RPS6KA5: variants seen among roughly 807,000 people sequenced by gnomAD.
RPS6KA5 encodes ribosomal protein S6 kinase alpha-5.
In RPS6KA5, 27 loss-of-function variants were observed where a neutral mutation model predicts 85.5. The ratio of observed to expected loss-of-function variants is 0.32; its 90% CI spans 0.23 to 0.44. The LOEUF is 0.44. RPS6KA5 is among the 20% of genes least tolerant of loss of function. The pLI is 1.00. For missense variants in RPS6KA5, 811 were observed against 980.9 expected (o/e 0.83, Z 2.31); for synonymous variants, 334 against 348.2 (o/e 0.96, Z 0.46).
At chr14:90,979,138 C>A (rs1490280644) in intron 2 of RPS6KA5, among the ~76,000 whole-genome samples, 3 of 152,222 alleles carry the variant, frequency 2.0e-5, no homozygotes, top group Non-Finnish European at 4.4e-5. Flanking sequence ...GTCAACCTTG[C>A]CACACTTTTC....
At chr14:90,994,354 A>G (rs1312263468) in intron 2 of RPS6KA5, among the ~76,000 whole-genome samples, 1 of 151,842 alleles carries the variant, frequency 6.6e-6, no homozygotes, top group African/African-American at 2.4e-5. Context: ...TCACTCCTAG[A>G]AGGACTACTG....
chr14:90,991,748 T>C (rs1423072763), intron 2 of RPS6KA5, among the ~76,000 whole-genome samples: 4 of 135,980 alleles, frequency 2.9e-5, no homozygotes, highest in African/African-American at 8.3e-5. Flanking sequence ...TCAAAATAGA[T>C]AGAGAAGAAT....
intron 1 of RPS6KA5, among the ~76,000 whole-genome samples, chr14:91,026,677 C>G (rs917823484): frequency 2.0e-5 from 3 of 152,192 alleles, no homozygotes; most frequent in Admixed American, 2.0e-4. Context: ...AATGGGATTG[C>G]TAGATCAAAT....
At chr14:90,907,528 C>T (rs1595180898) in intron 7 of RPS6KA5, among the ~76,000 whole-genome samples, 1 of 152,178 alleles carries the variant, frequency 6.6e-6, no homozygotes, top group African/African-American at 2.4e-5. Context: ...CATTCCAAGG[C>T]AACCATATAG....
At chr14:91,032,678 T>C (rs116854477) in intron 1 of RPS6KA5, among the ~76,000 whole-genome samples, 23 of 151,832 alleles carry the variant, frequency 1.5e-4, no homozygotes, top group African/African-American at 5.3e-4. Flanking sequence ...CAGGAATATA[T>C]AGTCCACATC....
chr14:91,018,016 C>T (rs1334037264), intron 1 of RPS6KA5, among the ~76,000 whole-genome samples: 2 of 152,152 alleles, frequency 1.3e-5, no homozygotes, highest in Non-Finnish European at 2.9e-5. Flanking sequence ...TTGGTATTAC[C>T]ATGCCTTGTG....
At chr14:90,998,716 T>C (rs1349779354) in intron 2 of RPS6KA5, among the ~76,000 whole-genome samples, 1 of 152,242 alleles carries the variant, frequency 6.6e-6, no homozygotes, top group Non-Finnish European at 1.5e-5. Flanking sequence ...AAATGTACAA[T>C]AACATCTCCA....
chr14:90,938,276 C>T (rs2037383835), intron 5 of RPS6KA5, among the ~76,000 whole-genome samples: 1 of 152,212 alleles, frequency 6.6e-6, no homozygotes, highest in Admixed American at 6.5e-5. Context: ...GCTCCCATAG[C>T]CTTGGGCAGC....
At chr14:90,961,947 CATTCATGGTTCTTGCCAGAGATTAG>C (rs1057473325) in intron 3 of RPS6KA5, among the ~76,000 whole-genome samples, 4 of 152,206 alleles carry the variant, frequency 2.6e-5, no homozygotes, top group African/African-American at 9.7e-5. Context: ...AGAAGAGCTA[CATTCATGGTTCTTGCCAGAGATTAG>C]AACCTCAAAG....
intron 3 of RPS6KA5, among the ~76,000 whole-genome samples, chr14:90,961,029 G>A (rs1480962069): frequency 6.6e-6 from 1 of 152,166 alleles, no homozygotes; most frequent in Non-Finnish European, 1.5e-5. Context: ...GTGGGAAAGG[G>A]CTCCCGACAG....
At chr14:91,051,251 TAAATAAATAAATA>T (rs1194953767) in intron 1 of RPS6KA5, among the ~76,000 whole-genome samples, 1 of 11,974 alleles carries the variant, frequency 8.4e-5, no homozygotes, top group Non-Finnish European at 2.3e-4. Context: ...TAAAAATAAA[TAAATAAATAAATA>T]AATAAATAAA....
Position 90,983,120 on chromosome 14 carries a change from A to G in RPS6KA5, c.176-4596T>C, listed in dbSNP as rs1446111004. On this transcript the variant is annotated intron_variant, in intron 2 of 16. Transcript: ENST00000614987. The stretch of plus-strand genomic sequence containing the variant: ...AGAGCGAGATTCCATCTCAAAAAAA[A>G]AAAAAAATTAGCTGGGCGTGGTGGC... 8.6e-5 allele frequency among the ~76,000 whole-genome samples: 13 copies of G among 151,572 alleles called. 1 individual carries two copies. The South Asian group carries it at 2.5e-3, about 29-fold the overall frequency.
chr14:90,901,095 G>GT (rs1365638047), intron 9 of RPS6KA5, among the ~76,000 whole-genome samples: 1 of 152,124 alleles, frequency 6.6e-6, no homozygotes, highest in Admixed American at 6.6e-5. Flanking sequence ...TACAGTCAAG[G>GT]TATTAAACAA....
At chr14:91,014,814 A>G (rs2041414802) in intron 1 of RPS6KA5, among the ~76,000 whole-genome samples, 1 of 152,136 alleles carries the variant, frequency 6.6e-6, no homozygotes, top group Non-Finnish European at 1.5e-5. Flanking sequence ...TATTTGCTTT[A>G]ATAATGTGAT....
In RPS6KA5 at chr14:91,060,410, C is replaced by A. The variant is rs375911233; in HGVS notation, c.25G>T (p.Gly9Cys). The A allele has an allele frequency of 3.1e-5, 46 of 1,508,072 alleles. No individual in the cohort carries two copies. The highest frequency in any genetic ancestry group is 4.0e-5 in the Non-Finnish European group (45 of 1,121,990). 93.4% of individuals were successfully genotyped at this position (1,508,072 alleles called of 1,614,324 possible). MEEEGGSSGGAAGTSADGG... is the reference protein window; with the variant it reads MEEEGGSSCGAAGTSADGG... Reference sequence around the variant, plus strand: ...TCCGCGCTGGTCCCCGCGGCGCCGCCGCTGCTGCCACCCTCCTCCTCCATC... The same window carrying A: ...TCCGCGCTGGTCCCCGCGGCGCCGCAGCTGCTGCCACCCTCCTCCTCCATC... The change falls in exon 1 of 17, where the codon GGC becomes TGC. Residue 9 changes from glycine (G) to cysteine (C), a missense_variant. Around this residue, in one of 3 missense-constraint regions of RPS6KA5, gnomAD observed 113 missense variants for 100.0 expected, o/e 1.13. Coordinates refer to ENST00000614987, the MANE Select transcript of RPS6KA5 (RefSeq NM_004755.4).
intron 1 of RPS6KA5, among the ~76,000 whole-genome samples, chr14:91,038,283 T>C (rs1290816245): frequency 1.3e-5 from 2 of 152,156 alleles, no homozygotes; most frequent in African/African-American, 4.8e-5. Flanking sequence ...GTATGAGAGG[T>C]AGGACCACTA....
intron 14 of RPS6KA5, among the ~76,000 whole-genome samples, chr14:90,880,362 T>C (rs2033756064): frequency 6.6e-6 from 1 of 152,236 alleles, no homozygotes; most frequent in Non-Finnish European, 1.5e-5. Context: ...GTATCTTTTC[T>C]GAACATACAC....
intron 5 of RPS6KA5, among the ~76,000 whole-genome samples, chr14:90,941,639 A>G (rs1243423562): frequency 6.6e-6 from 1 of 152,168 alleles, no homozygotes; most frequent in Non-Finnish European, 1.5e-5. Context: ...ACAGACTTTC[A>G]ATCAATCCTC....
rs2032661061 is a variant in RPS6KA5 at position 90,863,329 on chromosome 14, A to AAG, written c.*8743_*8744dup. On this transcript the variant is annotated 3_prime_UTR_variant, in exon 17 of 17. Transcript: ENST00000614987. Reference sequence around the variant, plus strand: ...AAAAAAAAAAAAAAAAAAAAAAAAAAAGAAAAGAAAAGAAAAAAATATATA... The same window carrying AAG: ...AAAAAAAAAAAAAAAAAAAAAAAAAAAGAGAAAAGAAAAGAAAAAAATATATA... The AAG allele has an allele frequency of 1.4e-5, 2 of 145,178 alleles. No individual in the cohort carries two copies. Among genetic ancestry groups the AAG allele is most frequent in the Non-Finnish European group, 3.0e-5 (2 of 65,894 alleles). The allele number at this position is 145,178 out of a possible 1,614,324, so 9.0% of individuals were successfully genotyped here. A position where few individuals can be genotyped will look rare whatever the true frequency, so the allele number is the denominator to read the frequency against.
Sources: allele counts gnomAD v4.1 joint callset (sites outside exome capture counted in the v4.1 genomes callset), GRCh38; gene constraint gnomAD v4.1.1; regional missense constraint gnomAD v4.1.1; transcripts MANE v1.5; gene names NCBI Gene and HGNC (gene_info 2026-07-23, HGNC 2026-07-21).